CCM2L: variants seen among roughly 807,000 people sequenced by gnomAD.
CCM2L encodes the protein cerebral cavernous malformations 2 protein-like.
CCM2L carries 36 observed loss-of-function variants against 54.1 expected under a neutral mutation model. The ratio of observed to expected loss-of-function variants is 0.67; its 90% CI spans 0.51 to 0.88. The LOEUF (loss-of-function observed/expected upper bound fraction) is 0.88, where lower values mean the gene tolerates loss of function less well. Ranked by LOEUF, CCM2L falls within the 40% of genes least tolerant of loss-of-function variation. The pLI, the probability that CCM2L is intolerant of heterozygous loss-of-function variation, is 0.00. For missense variants in CCM2L, 700 were observed against 812.1 expected (o/e 0.86, Z 1.68); for synonymous variants, 351 against 359.3 (o/e 0.98, Z 0.26).
chr20:32,016,666 G>A (rs145028925), intron 2 of CCM2L, among the ~76,000 whole-genome samples: 300 of 152,106 alleles, frequency 2.0e-3, no homozygotes, highest in African/African-American at 6.8e-3. Flanking sequence ...CCCCACGCCC[G>A]CCAAAAATTG....
intron 4 of CCM2L, among the ~76,000 whole-genome samples, chr20:32,018,515 A>G (rs2064763684): frequency 7.0e-6 from 1 of 142,184 alleles, no homozygotes; most frequent in African/African-American, 2.6e-5. Flanking sequence ...GCTAGAGTGG[A>G]CCCTTGGGCT....
chr20:32,019,809 T>A (rs1186302890), intron 5 of CCM2L, among the ~76,000 whole-genome samples: 1 of 152,180 alleles, frequency 6.6e-6, no homozygotes, highest in African/African-American at 2.4e-5. Context: ...TTACAACTAC[T>A]GTATTCCCAT....
intron 7 of CCM2L, 45 bp from the exon 8 acceptor site, chr20:32,028,950 G>A (rs1199295081): frequency 6.2e-7 from 1 of 1,611,028 alleles, no homozygotes; most frequent in South Asian, 1.1e-5. Flanking sequence ...TGAGGGCCAG[G>A]AGCTGGAGGG....
intron 2 of CCM2L, among the ~76,000 whole-genome samples, chr20:32,015,279 G>T (rs1042235186): frequency 1.1e-4 from 16 of 152,174 alleles, no homozygotes; most frequent in Non-Finnish European, 2.2e-4. Context: ...TCAACATGAG[G>T]CTCAAAACCT....
chr20:32,029,216 C>A, intron 8 of CCM2L, 92 bp downstream of exon 8: 1 of 1,564,968 alleles, frequency 6.4e-7, no homozygotes. Context: ...TGGACATAAC[C>A]TAAGCAGAAG....
chr20:32,013,016 T>G (rs1008077810), intron 1 of CCM2L, among the ~76,000 whole-genome samples: 5 of 152,112 alleles, frequency 3.3e-5, no homozygotes, highest in Non-Finnish European at 7.4e-5. Flanking sequence ...TGGACCGAGC[T>G]CATTAACCCC....
intron 9 of CCM2L, 148 bp downstream of exon 9, chr20:32,029,986 G>A: frequency 1.0e-6 from 1 of 997,702 alleles, no homozygotes; most frequent in South Asian, 2.1e-5. Flanking sequence ...CAGATGAGGA[G>A]CCCAAAGTGC....
chr20:32,016,731 A>G (rs2064744605), intron 2 of CCM2L, among the ~76,000 whole-genome samples: 1 of 152,242 alleles, frequency 6.6e-6, no homozygotes, highest in South Asian at 2.1e-4. Context: ...GCAACCCTAT[A>G]TGGAGGGAAA....
intron 9 of CCM2L, 71 bp downstream of exon 9, chr20:32,029,909 C>T: frequency 6.9e-7 from 1 of 1,442,640 alleles, no homozygotes. Flanking sequence ...AGTCAGGCAC[C>T]AGGCTGCAAA....
intron 5 of CCM2L, 90 bp downstream of exon 5, chr20:32,019,499 C>A: frequency 1.1e-6 from 1 of 919,044 alleles, no homozygotes; most frequent in Non-Finnish European, 1.5e-6. Context: ...CCACCAGGTT[C>A]CTAGGATCTG....
At chr20:32,017,703 C>T (rs1195731967) in intron 2 of CCM2L, 97 bp from the exon 3 acceptor site, 3 of 958,754 alleles carry the variant, frequency 3.1e-6, no homozygotes, top group Non-Finnish European at 5.1e-6. Flanking sequence ...GTATTTCTAT[C>T]TCAATCTATC....
At chr20:32,016,810 G>GT (rs1315720396) in intron 2 of CCM2L, among the ~76,000 whole-genome samples, 1 of 152,058 alleles carries the variant, frequency 6.6e-6, no homozygotes, top group Non-Finnish European at 1.5e-5. Context: ...AAGAGAAAAT[G>GT]TTTGATTGGT....
chr20:32,031,237 G>C lies in CCM2L; in HGVS notation c.1639G>C (p.Asp547His), dbSNP rs1185589931. Residue 547 changes from aspartate to histidine, a missense_variant, in exon 10 of 10, where the codon GAT becomes CAT. Physicochemically the swap from Asp to His is moderately conservative, Grantham distance 81 (BLOSUM62 -1). Transcript: ENST00000452892. ...ITHDIEALAP[D>H]DDDDDEDEPR... is the part of the protein sequence containing the mutation. ...GCACGACATCGAGGCGCTGGCCCCC[G>C]ATGACGACGACGACGACGAGGATGA... 1 of 1,298,794 alleles carries C rather than the reference G, an allele frequency of 7.7e-7. No homozygotes were observed. The highest frequency in any genetic ancestry group is 2.3e-5 in the Admixed American group (1 of 43,460). 80.5% of individuals were successfully genotyped at this position (1,298,794 alleles called of 1,614,324 possible). A position where few individuals can be genotyped will look rare whatever the true frequency, so the allele number is the denominator to read the frequency against.
At chr20:32,027,410 T>C (rs949399965) in intron 7 of CCM2L, among the ~76,000 whole-genome samples, 3 of 152,242 alleles carry the variant, frequency 2.0e-5, no homozygotes, top group Non-Finnish European at 4.4e-5. Context: ...TAAGTGCTGT[T>C]CTATAAAGCA....
At position 32,014,077 on chromosome 20, in the gene CCM2L, T is replaced by C. The variant is rs913958370; in HGVS notation, c.31-827T>C. Reference sequence around the variant, plus strand: ...TTAACCTTGATCCAGGCCATTTTTATGCAGGTGCCTCTGGATTCTACTTAA... The same window carrying C: ...TTAACCTTGATCCAGGCCATTTTTACGCAGGTGCCTCTGGATTCTACTTAA... On this transcript the variant is annotated intron_variant, in intron 1 of 9. Coordinates refer to ENST00000452892, the MANE Select transcript of CCM2L (RefSeq NM_001365692.1). Among the ~76,000 whole-genome samples, 9 of 152,252 alleles carry C rather than the reference T, an allele frequency of 5.9e-5. No homozygotes were observed. The East Asian group carries it at 1.5e-3, about 26-fold the overall frequency.
chr20:32,031,209 C>T lies in CCM2L; in HGVS notation c.1611C>T (p.Ile537=). The part of the protein sequence containing the change: ...AQAFHRLLAD[I]THDIEALAPD... ...CCTTCCACCGGCTGCTGGCTGACAT[C>T]ACGCACGACATCGAGGCGCTGGCCC... Residue 537 remains isoleucine, a synonymous_variant, in exon 10 of 10, where the codon ATC becomes ATT. Coordinates refer to ENST00000452892, the MANE Select transcript of CCM2L (RefSeq NM_001365692.1). The T allele has an allele frequency of 7.7e-7, 1 of 1,301,232 alleles. No homozygotes were observed. The allele number at this position is 1,301,232 out of a possible 1,614,324, so 80.6% of individuals were successfully genotyped here. A position where few individuals can be genotyped will look rare whatever the true frequency, so the allele number is the denominator to read the frequency against.
In CCM2L at chr20:32,010,468, T is replaced by C; in HGVS notation, c.14T>C (p.Val5Ala). The C allele has an allele frequency of 6.9e-7, 1 of 1,458,116 alleles. No individual in the cohort carries two copies. The highest frequency in any genetic ancestry group is 9.1e-7 in the Non-Finnish European group (1 of 1,097,072). 90.3% of individuals were successfully genotyped at this position (1,458,116 alleles called of 1,614,324 possible). The part of the protein sequence containing the change: MEYE[V>A]KKGKKGFVSP... ...GGACATTTCACCATGGAATATGAAG[T>C]CAAGAAAGGGAAGAAGGTAGGTGGG... Residue 5 changes from valine (V) to alanine (A), a missense_variant, in exon 1 of 10, where the codon GTC (valine) becomes GCC (alanine). By Grantham distance (64) the Val-to-Ala change is moderately conservative. Coordinates refer to ENST00000452892, the MANE Select transcript of CCM2L (RefSeq NM_001365692.1).
At position 32,018,947 on chromosome 20, in the gene CCM2L, G is replaced by C. The variant is rs930876817; in HGVS notation, c.471G>C (p.Leu157=). The C allele has an allele frequency of 1.6e-5, 22 of 1,395,868 alleles. No homozygotes were observed. In the African/African-American group the frequency reaches 3.0e-4, roughly 19 times the overall value. 86.5% of individuals were successfully genotyped at this position (1,395,868 alleles called of 1,614,324 possible). A position where few individuals can be genotyped will look rare whatever the true frequency, so the allele number is the denominator to read the frequency against. The part of the protein sequence containing the change: ...ALHLLVLKTG[L]GVDPVPAGVD... ...CGGTCCCCCGGACTCTCCTAGGTCT[G>C]GGTGTGGACCCGGTGCCGGCCGGCG... Residue 157 remains leucine, a synonymous_variant, in exon 5 of 10, where the codon CTG becomes CTC. Transcript: ENST00000452892.
At chr20:32,029,200 T>C (rs1469380012) in intron 8 of CCM2L, 76 bp downstream of exon 8, 1 of 1,598,576 alleles carries the variant, frequency 6.3e-7, no homozygotes, top group Non-Finnish European at 8.6e-7. Flanking sequence ...GAATGGCACA[T>C]TGCCCTGGAC....
Sources: gnomAD v4.1 joint callset for allele counts (sites outside exome capture counted in the v4.1 genomes callset) on GRCh38, gnomAD v4.1.1 for gene constraint, MANE v1.5 for transcripts, NCBI Gene and HGNC (gene_info 2026-07-23, HGNC 2026-07-21) for gene names.